DHDDS: variants seen among roughly 807,000 people sequenced by gnomAD.
DHDDS encodes dehydrodolichyl diphosphate synthase subunit.
Under a neutral mutation model 46.2 loss-of-function variants are expected in DHDDS, and 16 were observed. The ratio of observed to expected loss-of-function variants is 0.35; its 90% CI spans 0.23 to 0.53. DHDDS has a LOEUF of 0.53. DHDDS is among the 20% of genes least tolerant of loss of function. DHDDS has a pLI of 0.94. For missense variants in DHDDS, 340 were observed against 423.7 expected (o/e 0.80, Z 1.73); for synonymous variants, 151 against 163.1 (o/e 0.93, Z 0.56).
intron 5 of DHDDS, 144 bp downstream of exon 5, chr1:26,446,576 G>A (rs939580559): frequency 1.8e-5 from 13 of 730,278 alleles, no homozygotes; most frequent in South Asian, 2.9e-5. Context: ...GACTTTCTCC[G>A]TCTGCAGGGC....
Position 26,438,417 on chromosome 1 carries a change from C to G in DHDDS, c.180+133C>G, listed in dbSNP as rs970915131. 3 of 865,046 alleles carry G rather than the reference C, an allele frequency of 3.5e-6. No individual in the cohort carries two copies. In the African/African-American group the frequency reaches 5.0e-5, roughly 14 times the overall value. 53.6% of individuals were successfully genotyped at this position (865,046 alleles called of 1,614,324 possible). On this transcript the variant is annotated intron_variant, in intron 3 of 8. Transcript: ENST00000236342. Reference sequence around the variant, plus strand: ...GTCTCTGTGTTTTATTGTTTGCTTGCTAGCTATAGATCTCATCTTGACATT... The same window carrying G: ...GTCTCTGTGTTTTATTGTTTGCTTGGTAGCTATAGATCTCATCTTGACATT...
At chr1:26,439,488 G>A (rs1020356999) in intron 3 of DHDDS, among the ~76,000 whole-genome samples, 1 of 152,038 alleles carries the variant, frequency 6.6e-6, no homozygotes. Context: ...AGACTGAGGT[G>A]GAAGGATGAC....
At position 26,470,738 on chromosome 1, in the gene DHDDS, G is replaced by A. The variant is rs1000318909; in HGVS notation, c.*1607G>A. 6.6e-6 allele frequency: 1 copy of A among 152,642 alleles called. No individual in the cohort carries two copies. The highest frequency in any genetic ancestry group is 2.4e-5 in the African/African-American group (1 of 41,424). The allele number at this position is 152,642 out of a possible 1,614,324, so 9.5% of individuals were successfully genotyped here. ...TCCCCTCTACCAATCCCTGGCACAG[G>A]GTTCCTGGAGAGCAGGTGCTGTACA... On this transcript the variant is annotated 3_prime_UTR_variant, in exon 9 of 9. Coordinates refer to ENST00000236342, the MANE Select transcript of DHDDS (RefSeq NM_205861.3).
intron 6 of DHDDS, among the ~76,000 whole-genome samples, chr1:26,452,379 A>G (rs975703898): frequency 6.6e-6 from 1 of 152,230 alleles, no homozygotes; most frequent in Admixed American, 6.5e-5. Flanking sequence ...TTAAATTAAT[A>G]GATTGTTTTG....
At chr1:26,433,174 T>C in intron 2 of DHDDS, 166 bp downstream of exon 2, 1 of 746,870 alleles carries the variant, frequency 1.3e-6, no homozygotes, top group Admixed American at 2.3e-5. Context: ...TCTACATTTC[T>C]GGTAGACTTT....
intron 6 of DHDDS, among the ~76,000 whole-genome samples, chr1:26,457,230 G>T (rs1231885552): frequency 1.3e-5 from 2 of 151,810 alleles, no homozygotes; most frequent in African/African-American, 2.4e-5. Context: ...AGGCCGAGGG[G>T]GGGGCGGATC....
intron 2 of DHDDS, among the ~76,000 whole-genome samples, chr1:26,435,865 C>T (rs372141485): frequency 7.9e-5 from 12 of 151,778 alleles, no homozygotes; most frequent in East Asian, 7.8e-4. Flanking sequence ...TGCCCGCCTT[C>T]GCCTCCCAAA....
chr1:26,464,288 C>T (rs1557451855), intron 8 of DHDDS, among the ~76,000 whole-genome samples: 2 of 152,134 alleles, frequency 1.3e-5, no homozygotes, highest in African/African-American at 4.8e-5. Context: ...CCGCTGCGCC[C>T]GGCCTATATT....
chr1:26,441,344 G>A lies in DHDDS; in HGVS notation c.181-1387G>A, dbSNP rs559974763. 4.6e-5 allele frequency among the ~76,000 whole-genome samples: 7 copies of A among 151,914 alleles called. No homozygotes were observed. In the East Asian group the frequency reaches 1.2e-3, roughly 25 times the overall value. Reference sequence around the variant, plus strand: ...CTCCCAAGTAGCTGGGAATACAGGTGTGCGCCACCGCACCCAGCTAAGTTT... The same window carrying A: ...CTCCCAAGTAGCTGGGAATACAGGTATGCGCCACCGCACCCAGCTAAGTTT... On this transcript the variant is annotated intron_variant, in intron 3 of 8. Transcript: ENST00000236342.
chr1:26,471,272 T>A lies in DHDDS; in HGVS notation c.*2141T>A, dbSNP rs1302846254. The A allele has an allele frequency of 6.6e-6, 1 of 152,204 alleles. No homozygotes were observed. The highest frequency in any genetic ancestry group is 1.5e-5 in the Non-Finnish European group (1 of 68,048). 9.4% of individuals were successfully genotyped at this position (152,204 alleles called of 1,614,324 possible). A position where few individuals can be genotyped will look rare whatever the true frequency, so the allele number is the denominator to read the frequency against. On this transcript the variant is annotated 3_prime_UTR_variant, in exon 9 of 9. Transcript: ENST00000236342. ...CTATCGTATTCTTGTGTGCTGGGTC[T>A]CAAATAGAATTTTTAAAGATTCTTA... is the stretch of plus-strand genomic sequence containing the variant.
chr1:26,450,981 A>G (rs932402180), intron 6 of DHDDS, among the ~76,000 whole-genome samples: 4 of 152,098 alleles, frequency 2.6e-5, no homozygotes, highest in Non-Finnish European at 4.4e-5. Flanking sequence ...TATGCCTAGG[A>G]CTCTGATCTT....
chr1:26,445,548 AC>A (rs1032561308), intron 4 of DHDDS, among the ~76,000 whole-genome samples: 37 of 152,216 alleles, frequency 2.4e-4, no homozygotes, highest in African/African-American at 8.7e-4. Context: ...CCTCATCTTT[AC>A]AAAAAATACA....
chr1:26,442,667 G>A, intron 3 of DHDDS, 64 bp from the exon 4 acceptor site: 1 of 1,605,820 alleles, frequency 6.2e-7, no homozygotes, highest in Non-Finnish European at 8.5e-7. Flanking sequence ...GGACCAAAAA[G>A]TATCTCTTAT....
rs573589452 is a variant in DHDDS, at chr1:26,438,348, C to A, written c.180+64C>A. On this transcript the variant is annotated intron_variant, in intron 3 of 8. Transcript: ENST00000236342. ...GGAGAGGTAGATTATAGCTAGAAAA[C>A]CAGGCTCTGAGTTTGCTGTGGTTGG... The A allele has an allele frequency of 9.6e-6, 14 of 1,462,020 alleles. No individual in the cohort carries two copies. The East Asian group carries it at 2.5e-4, about 26-fold the overall frequency. 90.6% of individuals were successfully genotyped at this position (1,462,020 alleles called of 1,614,324 possible).
intron 6 of DHDDS, among the ~76,000 whole-genome samples, chr1:26,453,691 C>T (rs2075342796): frequency 1.3e-5 from 2 of 152,262 alleles, no homozygotes; most frequent in East Asian, 3.9e-4. Context: ...GAGGCTGAGG[C>T]TGCAGTGAGC....
At chr1:26,442,294 C>T (rs1296601120) in intron 3 of DHDDS, among the ~76,000 whole-genome samples, 1 of 152,162 alleles carries the variant, frequency 6.6e-6, no homozygotes, top group East Asian at 1.9e-4. Flanking sequence ...TGAAGTTATG[C>T]TGTGAGTAAT....
intron 8 of DHDDS, among the ~76,000 whole-genome samples, chr1:26,463,814 T>C (rs1035364945): frequency 2.0e-4 from 30 of 151,886 alleles, no homozygotes; most frequent in African/African-American, 6.5e-4. Context: ...CCTGAAACTC[T>C]TGTTTCTTGT....
chr1:26,469,160 T>C lies in DHDDS; in HGVS notation c.*29T>C. 6.2e-7 allele frequency: 1 copy of C among 1,611,444 alleles called. No homozygotes were observed. Among genetic ancestry groups the C allele is most frequent in the Non-Finnish European group, 8.5e-7 (1 of 1,180,042 alleles). ...AGGCTGGCCACCTGCCACTTTGCCC[T>C]GCCCTCTGCCTCCAGGGCTCCACTC... On this transcript the variant is annotated 3_prime_UTR_variant, in exon 9 of 9. Transcript: ENST00000236342.
intron 8 of DHDDS, 129 bp downstream of exon 8, chr1:26,460,273 C>A: frequency 1.3e-6 from 1 of 776,606 alleles, no homozygotes; most frequent in Non-Finnish European, 2.3e-6. Flanking sequence ...GTAGCTACCA[C>A]CTACTGAGTA....
Sources: allele counts gnomAD v4.1 joint callset (sites outside exome capture counted in the v4.1 genomes callset), GRCh38; gene constraint gnomAD v4.1.1; transcripts MANE v1.5; gene names NCBI Gene and HGNC (gene_info 2026-07-23, HGNC 2026-07-21).